RBFOX1: variants seen among roughly 807,000 people sequenced by gnomAD.
RBFOX1 encodes RNA binding protein fox-1 homolog 1.
In RBFOX1, 8 loss-of-function variants were observed where a neutral mutation model predicts 57.7. The observed-to-expected ratio is 0.14, with a 90% CI of 0.08 to 0.25. The LOEUF is 0.25. Among genes scored for constraint, RBFOX1 ranks in the 10% least tolerant of loss-of-function variants. The pLI is 1.00. For synonymous variants in RBFOX1, 326 were observed against 222.4 expected (o/e 1.47, Z -4.15); for missense variants, 611 against 548.5 (o/e 1.11, Z -1.14).
At chr16:5,331,823 A>C (rs372667103) in intron 1 of RBFOX1, among the ~76,000 whole-genome samples, 2 of 152,058 alleles carry the variant, frequency 1.3e-5, no homozygotes, top group Admixed American at 1.3e-4. Flanking sequence ...GGGGCTTTTG[A>C]CTCATGGCTG....
At chr16:7,062,788 C>T (rs537889282) in intron 4 of RBFOX1, among the ~76,000 whole-genome samples, 2 of 151,654 alleles carry the variant, frequency 1.3e-5, no homozygotes, top group African/African-American at 2.4e-5. Flanking sequence ...AGAGACGGTT[C>T]CCAGGGCTAG....
intron 4 of RBFOX1, among the ~76,000 whole-genome samples, chr16:7,488,826 C>G (rs539012867): frequency 6.6e-6 from 1 of 152,192 alleles, no homozygotes; most frequent in Non-Finnish European, 1.5e-5. Flanking sequence ...ATCTATCCAT[C>G]TATACATTCT....
intron 3 of RBFOX1, among the ~76,000 whole-genome samples, chr16:5,628,508 C>A (rs569793915): frequency 6.6e-6 from 1 of 152,044 alleles, no homozygotes; most frequent in Non-Finnish European, 1.5e-5. Context: ...AGGGGAAGAA[C>A]GCTTTAGGTC....
At chr16:6,372,275 C>T (rs531229939) in intron 2 of RBFOX1, among the ~76,000 whole-genome samples, 84 of 139,916 alleles carry the variant, frequency 6.0e-4, no homozygotes, top group African/African-American at 2.1e-3. Flanking sequence ...GAAGTATACT[C>T]GGATGGAAGG....
At chr16:7,352,619 C>G (rs1245341849) in intron 4 of RBFOX1, among the ~76,000 whole-genome samples, 5 of 152,122 alleles carry the variant, frequency 3.3e-5, no homozygotes, top group Admixed American at 3.3e-4. Context: ...CGCTATATTT[C>G]CCATGTAGTT....
At chr16:5,492,749 A>T (rs2042874711) in intron 2 of RBFOX1, among the ~76,000 whole-genome samples, 2 of 152,260 alleles carry the variant, frequency 1.3e-5, no homozygotes, top group Admixed American at 1.3e-4. Flanking sequence ...GTTCATCATT[A>T]CCAAATTCTG....
chr16:7,517,823 C>CA (rs35825566), intron 4 of RBFOX1, among the ~76,000 whole-genome samples: 41,115 of 124,664 alleles, frequency 0.33, 6,234 homozygotes, highest in East Asian at 0.68. Context: ...AAGGATCTGC[C>CA]AAAAAAAAAA....
chr16:6,287,082 G>A (rs1185647433), intron 1 of RBFOX1, among the ~76,000 whole-genome samples: 1 of 152,090 alleles, frequency 6.6e-6, no homozygotes, highest in African/African-American at 2.4e-5. Flanking sequence ...GAACAGCATA[G>A]TTCATGGCAA....
At chr16:6,658,830 C>G (rs1478341150) in intron 3 of RBFOX1, among the ~76,000 whole-genome samples, 2 of 152,056 alleles carry the variant, frequency 1.3e-5, no homozygotes, top group Non-Finnish European at 2.9e-5. Context: ...TGCTTAAACT[C>G]TCTCAGAGGG....
chr16:7,559,200 A>G (rs888789881), intron 5 of RBFOX1, among the ~76,000 whole-genome samples: 1 of 152,202 alleles, frequency 6.6e-6, no homozygotes, highest in African/African-American at 2.4e-5. Context: ...TTCAATATAA[A>G]AGATCGAAAG....
At chr16:5,441,982 A>G (rs940365705) in intron 1 of RBFOX1, among the ~76,000 whole-genome samples, 4 of 152,216 alleles carry the variant, frequency 2.6e-5, no homozygotes, top group Non-Finnish European at 5.9e-5. Flanking sequence ...AAACCATATC[A>G]ATCAGTAAGA....
intron 3 of RBFOX1, among the ~76,000 whole-genome samples, chr16:6,776,309 GC>G (rs1199096317): frequency 6.6e-6 from 1 of 152,114 alleles, no homozygotes; most frequent in African/African-American, 2.4e-5. Context: ...TACTCGGGGG[GC>G]TGAGGCAGGA....
At chr16:6,674,816 C>G (rs1247000664) in intron 3 of RBFOX1, among the ~76,000 whole-genome samples, 3 of 152,104 alleles carry the variant, frequency 2.0e-5, no homozygotes, top group Non-Finnish European at 4.4e-5. Context: ...AAAACAAGAC[C>G]CTATTAGGAC....
At chr16:6,309,163 A>G (rs2079925003) in intron 1 of RBFOX1, among the ~76,000 whole-genome samples, 1 of 152,120 alleles carries the variant, frequency 6.6e-6, no homozygotes, top group African/African-American at 2.4e-5. Context: ...TAATATAAAC[A>G]AACCTTGAAA....
intron 2 of RBFOX1, among the ~76,000 whole-genome samples, chr16:6,428,908 AG>A (rs771640387): frequency 1.6e-4 from 24 of 152,232 alleles, no homozygotes; most frequent in Non-Finnish European, 2.6e-4. Context: ...AGTATCGTGT[AG>A]GAAGTAGTAA....
At chr16:7,059,125 G>A (rs2153744126) in intron 4 of RBFOX1, among the ~76,000 whole-genome samples, 1 of 152,260 alleles carries the variant, frequency 6.6e-6, no homozygotes, top group Non-Finnish European at 1.5e-5. Flanking sequence ...GCCTTCATCT[G>A]GACATCAGAT....
chr16:6,946,694 C>A (rs936052411), intron 3 of RBFOX1, among the ~76,000 whole-genome samples: 7 of 152,084 alleles, frequency 4.6e-5, no homozygotes, highest in Admixed American at 6.5e-5. Flanking sequence ...TCTCAAACTC[C>A]TGGGCTCAAG....
chr16:6,901,113 A>G (rs981580319), intron 3 of RBFOX1, among the ~76,000 whole-genome samples: 3 of 152,136 alleles, frequency 2.0e-5, no homozygotes, highest in Admixed American at 1.3e-4. Flanking sequence ...TAAATTTCCT[A>G]TCGACAGGCT....
intron 3 of RBFOX1, among the ~76,000 whole-genome samples, chr16:5,748,287 A>G (rs2053063274): frequency 1.3e-5 from 2 of 152,106 alleles, no homozygotes; most frequent in Non-Finnish European, 2.9e-5. Flanking sequence ...GGAGTGCTTT[A>G]CTTCCAACTA....
Sources: allele counts gnomAD v4.1 joint callset (sites outside exome capture counted in the v4.1 genomes callset), GRCh38; gene constraint gnomAD v4.1.1; transcripts MANE v1.5; gene names NCBI Gene and HGNC (gene_info 2026-07-23, HGNC 2026-07-21).